CTNNA2: variants seen among roughly 807,000 people sequenced by gnomAD.
CTNNA2 encodes catenin alpha 2, also known as catenin alpha-2.
A neutral mutation model predicts 101.0 loss-of-function variants in CTNNA2; 42 were observed. That is an observed-to-expected ratio of 0.42 (90% confidence interval 0.32 to 0.54). CTNNA2 has a LOEUF of 0.54. Ranked by LOEUF, CTNNA2 falls within the 20% of genes least tolerant of loss-of-function variation. The pLI is 0.14. For missense variants in CTNNA2, 871 were observed against 1,223.1 expected (o/e 0.71, Z 4.29); for synonymous variants, 450 against 456.4 (o/e 0.99, Z 0.18).
intron 4 of CTNNA2, among the ~76,000 whole-genome samples, chr2:79,411,684 C>T (rs1402469469): frequency 6.6e-6 from 1 of 152,056 alleles, no homozygotes; most frequent in African/African-American, 2.4e-5. Context: ...ACTTTACAGA[C>T]AAGCAACTGC....
At chr2:79,487,674 G>A (rs902348728) in intron 4 of CTNNA2, among the ~76,000 whole-genome samples, 3 of 152,086 alleles carry the variant, frequency 2.0e-5, no homozygotes, top group Admixed American at 6.6e-5. Context: ...CATTTAACAC[G>A]ATCAGCTCAT....
intron 3 of CTNNA2, among the ~76,000 whole-genome samples, chr2:79,312,994 A>AATTAG (rs1676419213): frequency 1.3e-5 from 2 of 152,232 alleles, no homozygotes; most frequent in Non-Finnish European, 2.9e-5. Flanking sequence ...CAGAGCAATT[A>AATTAG]ATTAGATTAC....
intron 7 of CTNNA2, among the ~76,000 whole-genome samples, chr2:80,075,444 T>C (rs1698611525): frequency 6.6e-6 from 1 of 151,712 alleles, no homozygotes; most frequent in Non-Finnish European, 1.5e-5. Context: ...TAATAGCGTC[T>C]ACCTCCTAGG....
At chr2:80,277,304 C>T (rs1260928014) in intron 7 of CTNNA2, among the ~76,000 whole-genome samples, 1 of 152,066 alleles carries the variant, frequency 6.6e-6, no homozygotes, top group Non-Finnish European at 1.5e-5. Flanking sequence ...AGAGTTTTTA[C>T]TGAGGTCTCA....
chr2:80,155,030 G>A (rs191644551), intron 7 of CTNNA2, among the ~76,000 whole-genome samples: 156 of 152,210 alleles, frequency 1.0e-3, no homozygotes, highest in African/African-American at 3.4e-3. Context: ...ACAAAAGAAC[G>A]ACTCTGTTTT....
intron 9 of CTNNA2, among the ~76,000 whole-genome samples, chr2:80,531,179 A>C (rs776059793): frequency 6.6e-6 from 1 of 152,158 alleles, no homozygotes; most frequent in Non-Finnish European, 1.5e-5. Context: ...CCCCTACCCC[A>C]TATTCCCATT....
intron 2 of CTNNA2, among the ~76,000 whole-genome samples, chr2:79,202,618 C>T (rs1674051928): frequency 6.6e-6 from 1 of 152,178 alleles, no homozygotes; most frequent in Non-Finnish European, 1.5e-5. Flanking sequence ...CTTCTGTCAC[C>T]ATTTTCTTTA....
At chr2:79,240,922 C>T (rs1039406037) in intron 2 of CTNNA2, among the ~76,000 whole-genome samples, 2 of 152,130 alleles carry the variant, frequency 1.3e-5, no homozygotes, top group African/African-American at 4.8e-5. Flanking sequence ...GGGACCCTGC[C>T]TCTGCTGTCC....
chr2:79,657,612 A>T (rs1409329498), intron 2 of CTNNA2, among the ~76,000 whole-genome samples: 1 of 151,828 alleles, frequency 6.6e-6, no homozygotes, highest in African/African-American at 2.4e-5. Flanking sequence ...TTTAAGTCAC[A>T]TTCTAAAACT....
chr2:79,720,960 T>C (rs1686443847), intron 2 of CTNNA2, among the ~76,000 whole-genome samples: 2 of 152,258 alleles, frequency 1.3e-5, no homozygotes, highest in South Asian at 2.1e-4. Context: ...AGTGTACTTA[T>C]ATGTGTTTTA....
chr2:79,982,238 A>ATATGTATG (rs1302937746), intron 7 of CTNNA2, among the ~76,000 whole-genome samples: 5 of 89,630 alleles, frequency 5.6e-5, no homozygotes, highest in South Asian at 3.7e-4. Flanking sequence ...ATATATATAT[A>ATATGTATG]TATGTATGTA....
intron 4 of CTNNA2, among the ~76,000 whole-genome samples, chr2:79,380,346 G>A (rs1365775484): frequency 6.6e-6 from 1 of 151,540 alleles, no homozygotes; most frequent in Non-Finnish European, 1.5e-5. Context: ...GAAGGCAGCA[G>A]CATTACTCTC....
chr2:80,410,395 T>A (rs1679461382), intron 8 of CTNNA2, among the ~76,000 whole-genome samples: 1 of 152,230 alleles, frequency 6.6e-6, no homozygotes, highest in Non-Finnish European at 1.5e-5. Context: ...ATAGCCTTAA[T>A]TGGGTAAAAT....
intron 9 of CTNNA2, among the ~76,000 whole-genome samples, chr2:80,518,321 T>C (rs576177649): frequency 1.3e-5 from 2 of 152,322 alleles, no homozygotes; most frequent in African/African-American, 4.8e-5. Context: ...TTCCCCAATC[T>C]GTCAAGTTCT....
intron 9 of CTNNA2, among the ~76,000 whole-genome samples, chr2:80,466,987 A>C (rs1280554577): frequency 6.6e-6 from 1 of 152,222 alleles, no homozygotes; most frequent in Non-Finnish European, 1.5e-5. Flanking sequence ...AATGGATAGG[A>C]TAGACTAGAT....
intron 3 of CTNNA2, among the ~76,000 whole-genome samples, chr2:79,815,938 G>A (rs1045610247): frequency 3.3e-5 from 5 of 152,026 alleles, no homozygotes; most frequent in Non-Finnish European, 5.9e-5. Context: ...TCTTTCAGCA[G>A]TGTTTTGTAA....
At position 80,302,478 on chromosome 2, in the gene CTNNA2, C is replaced by T; in HGVS notation, c.1057-90733C>T. ...CTGGCTGGGAAACACTTCCAGGACA[C>T]GTAGAGCACCAGGACCACGATGAGG... is the stretch of plus-strand genomic sequence containing the variant. On this transcript the variant is annotated intron_variant, in intron 7 of 18. Transcript: ENST00000402739. This position sits in a 1 kb window ranked among gnomAD's most constrained non-coding sequence, Gnocchi z 6.4. 6.2e-7 allele frequency: 1 copy of T among 1,613,980 alleles called. No individual in the cohort carries two copies. Among genetic ancestry groups the T allele is most frequent in the Non-Finnish European group, 8.5e-7 (1 of 1,180,034 alleles).
chr2:79,831,255 A>G (rs1347222258), intron 3 of CTNNA2, among the ~76,000 whole-genome samples: 1 of 152,196 alleles, frequency 6.6e-6, no homozygotes, highest in Non-Finnish European at 1.5e-5. Flanking sequence ...ACTAAAAAAT[A>G]TTAAAATAAA....
At chr2:79,258,203 A>G (rs535864740) in intron 2 of CTNNA2, among the ~76,000 whole-genome samples, 155 of 152,318 alleles carry the variant, frequency 1.0e-3, no homozygotes, top group African/African-American at 3.6e-3. Context: ...TTCAACCCAT[A>G]CAAATGCCAA....
Sources: allele counts gnomAD v4.1 joint callset (sites outside exome capture counted in the v4.1 genomes callset), GRCh38; gene constraint gnomAD v4.1.1; non-coding constraint Gnocchi (gnomAD v3.1); transcripts MANE v1.5; gene names NCBI Gene and HGNC (gene_info 2026-07-23, HGNC 2026-07-21).